SPTA1: variants seen among roughly 807,000 people sequenced by gnomAD.
The protein encoded by SPTA1 is spectrin alpha chain, erythrocytic 1.
A neutral mutation model predicts 324.7 loss-of-function variants in SPTA1; 177 were observed. That is an observed-to-expected ratio of 0.55 (90% CI 0.48 to 0.62). SPTA1 has a LOEUF of 0.62. SPTA1 is among the 20% of genes least tolerant of loss of function. The pLI, the probability that SPTA1 is intolerant of heterozygous loss-of-function variation, is 0.00. For synonymous variants in SPTA1, 1,195 were observed against 1,041.3 expected, an observed-to-expected ratio of 1.15 and a Z score of -2.84; for missense variants, 3,162 against 2,883.6, an observed-to-expected ratio of 1.10 and a Z score of -2.21.
At position 158,644,452 on chromosome 1, in the gene SPTA1, G is replaced by A. The variant is rs1342692450; in HGVS notation, c.4195-56C>T. Reference sequence around the variant, plus strand: ...ATAGTCCATGTGGTGTGGAGGAAATGATGTTACACCTCTTTCAGGATCATG... The same window carrying A: ...ATAGTCCATGTGGTGTGGAGGAAATAATGTTACACCTCTTTCAGGATCATG... On this transcript the variant is annotated intron_variant, in intron 29 of 51. Transcript: ENST00000643759. 4 of 1,598,128 alleles carry A rather than the reference G, an allele frequency of 2.5e-6. No individual in the cohort carries two copies. The African/African-American group carries it at 5.4e-5, about 21-fold the overall frequency.
Position 158,647,150 on chromosome 1 carries a change from C to T in SPTA1, c.3896+389G>A, listed in dbSNP as rs187684728. On this transcript the variant is annotated intron_variant, in intron 27 of 51. Transcript: ENST00000643759. The stretch of plus-strand genomic sequence containing the variant: ...GTGTAATAAAATGTTACTTTATCTA[C>T]AGTGCATCATCTATTCTACCCAACT... Among the ~76,000 whole-genome samples the T allele has an allele frequency of 3.3e-5, 5 of 152,016 alleles. No individual in the cohort carries two copies. The East Asian group carries it at 9.7e-4, about 29-fold the overall frequency.
chr1:158,635,487 A>G (rs1382870103), intron 38 of SPTA1, among the ~76,000 whole-genome samples: 1 of 152,122 alleles, frequency 6.6e-6, no homozygotes, highest in Non-Finnish European at 1.5e-5. Context: ...CTTTATATCA[A>G]TGTGAGAACG....
chr1:158,656,622 T>A lies in SPTA1; in HGVS notation c.2840A>T (p.Asp947Val), dbSNP rs1247284926. ...LLKKHEAFLL[D>V]LNSFGDSMKA... ...CATACTGTCTCCAAATGAATTGAGATCTAATAGAAAGGCCTCATGCTTCTT... is the reference window on the plus strand; with the variant it reads ...CATACTGTCTCCAAATGAATTGAGAACTAATAGAAAGGCCTCATGCTTCTT... Residue 947 changes from aspartate (D) to valine (V), a missense_variant, in exon 20 of 52, where the codon GAT becomes GTT. Physicochemically the swap from Asp to Val is radical, Grantham distance 152. Coordinates refer to ENST00000643759, the MANE Select transcript of SPTA1 (RefSeq NM_003126.4). 3 of 1,613,882 alleles carry A rather than the reference T, an allele frequency of 1.9e-6. No homozygotes were observed. Among genetic ancestry groups the A allele is most frequent in the South Asian group, 1.1e-5 (1 of 91,078 alleles).
chr1:158,654,996 C>T (rs543248796), intron 20 of SPTA1, among the ~76,000 whole-genome samples: 5 of 152,128 alleles, frequency 3.3e-5, no homozygotes, highest in South Asian at 2.1e-4. Context: ...TTGTCAGAAA[C>T]GTATTAAATG....
intron 35 of SPTA1, 117 bp downstream of exon 35, chr1:158,639,465 G>T (rs1055871998): frequency 1.9e-6 from 2 of 1,033,442 alleles, no homozygotes; most frequent in Non-Finnish European, 1.5e-6. Context: ...TGCTGGTTGA[G>T]AACACTAAGA....
At chr1:158,652,784 G>C (rs1652548556) in intron 22 of SPTA1, 131 bp from the exon 23 acceptor site, 4 of 1,032,632 alleles carry the variant, frequency 3.9e-6, no homozygotes, top group Non-Finnish European at 5.7e-6. Flanking sequence ...AAGAATAGTA[G>C]AAGAGAGGAG....
chr1:158,640,384 T>C (rs1266380254), intron 33 of SPTA1, among the ~76,000 whole-genome samples: 1 of 152,170 alleles, frequency 6.6e-6, no homozygotes, highest in Non-Finnish European at 1.5e-5. Flanking sequence ...CTTTTCTCCT[T>C]CTTTGTGCAA....
chr1:158,633,634 C>T (rs1445339274), intron 39 of SPTA1, among the ~76,000 whole-genome samples: 2 of 137,204 alleles, frequency 1.5e-5, no homozygotes, highest in African/African-American at 5.6e-5. Flanking sequence ...GCACTCCAGG[C>T]TGGGAGACAG....
chr1:158,657,393 G>C (rs1652903542), intron 19 of SPTA1, 84 bp downstream of exon 19: 3 of 1,381,996 alleles, frequency 2.2e-6, no homozygotes, highest in Non-Finnish European at 2.1e-6. Flanking sequence ...ATCTGTAGCT[G>C]TCCCACAACC....
In SPTA1 at chr1:158,621,440, C is replaced by G. The variant is rs149616622; in HGVS notation, c.6121-974G>C. Among the ~76,000 whole-genome samples the G allele has an allele frequency of 1.4e-3, 218 of 152,152 alleles. 1 individual carries two copies. Among genetic ancestry groups the G allele is most frequent in the African/African-American group, 4.9e-3 (204 of 41,516 alleles). On this transcript the variant is annotated intron_variant, in intron 43 of 51. Transcript: ENST00000643759. The stretch of plus-strand genomic sequence containing the variant: ...ATCTATATGCCAAAATAGATCAATA[C>G]AGAGAAAATTAACATGACCTCTACA...
chr1:158,668,386 G>T (rs549161913), intron 14 of SPTA1, among the ~76,000 whole-genome samples: 1 of 152,136 alleles, frequency 6.6e-6, no homozygotes, highest in African/African-American at 2.4e-5. Flanking sequence ...ATTCCTCACC[G>T]CATACATGAA....
chr1:158,685,990 A>G (rs896145176), intron 1 of SPTA1, among the ~76,000 whole-genome samples: 9 of 152,232 alleles, frequency 5.9e-5, no homozygotes, highest in Non-Finnish European at 1.2e-4. Context: ...AAAACAATAT[A>G]TAAGTATCCT....
intron 17 of SPTA1, among the ~76,000 whole-genome samples, chr1:158,662,236 G>C (rs1653271575): frequency 6.6e-6 from 1 of 152,138 alleles, no homozygotes; most frequent in African/African-American, 2.4e-5. Flanking sequence ...CTCTGCCTCA[G>C]TATAAGTGTA....
intron 16 of SPTA1, among the ~76,000 whole-genome samples, chr1:158,666,056 G>C (rs1488406207): frequency 6.6e-6 from 1 of 151,864 alleles, no homozygotes; most frequent in African/African-American, 2.4e-5. Flanking sequence ...GGAGATTTTG[G>C]GAAAAAGCAG....
rs763753327 is a variant in SPTA1 at position 158,674,671 on chromosome 1, G to A, written c.1117C>T (p.His373Tyr). Residue 373 changes from histidine (H) to tyrosine (Y), a missense_variant, in exon 9 of 52, where the codon CAT (histidine) becomes TAT (tyrosine). His to Tyr is a moderately conservative substitution (Grantham distance 83, BLOSUM62 2). Coordinates refer to ENST00000643759, the MANE Select transcript of SPTA1 (RefSeq NM_003126.4). Reference protein sequence around the residue: ...YEKLQATYWYHRFSSDFDELS... With the variant: ...YEKLQATYWYYRFSSDFDELS... ...TCATCAAAGTCAGATGAAAATCGATGGTACCTGTGGGAAAAGTGAGGTAAA... is the reference window on the plus strand; with the variant it reads ...TCATCAAAGTCAGATGAAAATCGATAGTACCTGTGGGAAAAGTGAGGTAAA... The A allele has an allele frequency of 6.2e-7, 1 of 1,613,616 alleles. No homozygotes were observed. Among genetic ancestry groups the A allele is most frequent in the Non-Finnish European group, 8.5e-7 (1 of 1,179,940 alleles).
chr1:158,660,479 C>T (rs1445054070), intron 18 of SPTA1, among the ~76,000 whole-genome samples: 1 of 152,078 alleles, frequency 6.6e-6, no homozygotes, highest in Non-Finnish European at 1.5e-5. Context: ...CATAACAATA[C>T]TAAATGTATA....
chr1:158,632,510 T>C (rs1226703983), intron 39 of SPTA1, among the ~76,000 whole-genome samples: 1 of 152,092 alleles, frequency 6.6e-6, no homozygotes, highest in East Asian at 1.9e-4. Flanking sequence ...TAGAGAGACA[T>C]TTCACTGAGG....
At chr1:158,649,833 C>T (rs752805621) in intron 25 of SPTA1, 23 bp downstream of exon 25, 4 of 1,597,244 alleles carry the variant, frequency 2.5e-6, no homozygotes, top group Non-Finnish European at 3.4e-6. Context: ...AGCAGCACTG[C>T]TTTTTAGAGT....
rs756005926 is a variant in SPTA1 at position 158,662,879 on chromosome 1, C to T, written c.2287G>A (p.Asp763Asn). The change falls in exon 17 of 52, where the codon GAT becomes AAT. Residue 763 changes from aspartate (D) to asparagine (N), a missense_variant. Asp to Asn is a conservative substitution (Grantham distance 23). Coordinates refer to ENST00000643759, the MANE Select transcript of SPTA1 (RefSeq NM_003126.4). ...AAGGACTCTTGCCTTGCCCTTATATCCTTAGAATCAGGATGGCCTATTTCT... is the reference window on the plus strand; with the variant it reads ...AAGGACTCTTGCCTTGCCCTTATATTCTTAGAATCAGGATGGCCTATTTCT... ...FEEIGHPDSKDIRARQESLVC... is the reference protein window; with the variant it reads ...FEEIGHPDSKNIRARQESLVC... 6.2e-7 allele frequency: 1 copy of T among 1,614,096 alleles called. No individual in the cohort carries two copies. Among genetic ancestry groups the T allele is most frequent in the Non-Finnish European group, 8.5e-7 (1 of 1,179,986 alleles).
Sources: allele counts gnomAD v4.1 joint callset (sites outside exome capture counted in the v4.1 genomes callset), GRCh38; gene constraint gnomAD v4.1.1; transcripts MANE v1.5; gene names NCBI Gene and HGNC (gene_info 2026-07-23, HGNC 2026-07-21).